The following DPP6 variants were observed in gnomAD, a reference collection of about 807,000 sequenced individuals.
DPP6 encodes the protein dipeptidyl peptidase like 6, also known as A-type potassium channel modulatory protein DPP6.
A neutral mutation model predicts 122.6 loss-of-function variants in DPP6; 69 were observed. That is an observed-to-expected ratio of 0.56 (90% CI 0.46 to 0.69). The LOEUF (loss-of-function observed/expected upper bound fraction) is 0.69. Among genes scored for constraint, DPP6 ranks in the 30% least tolerant of loss-of-function variants. DPP6 has a pLI of 0.00. For missense variants in DPP6, 928 were observed against 1,116.9 expected (o/e 0.83, Z 2.41); for synonymous variants, 418 against 433.1 (o/e 0.97, Z 0.43).
At chr7:154,240,249 A>G (rs1211508640) in intron 1 of DPP6, among the ~76,000 whole-genome samples, 1 of 152,130 alleles carries the variant, frequency 6.6e-6, no homozygotes, top group African/African-American at 2.4e-5. Context: ...AATTCTAACC[A>G]TATTTTAAGA....
At chr7:154,539,975 A>G (rs1024101147) in intron 3 of DPP6, among the ~76,000 whole-genome samples, 1 of 152,114 alleles carries the variant, frequency 6.6e-6, no homozygotes, top group Non-Finnish European at 1.5e-5. Flanking sequence ...CTAATTTTCT[A>G]AGGGGATGCT....
intron 16 of DPP6, among the ~76,000 whole-genome samples, chr7:154,830,380 C>T (rs558861626): frequency 1.1e-4 from 16 of 152,194 alleles, no homozygotes; most frequent in East Asian, 5.8e-4. Flanking sequence ...GGGGCCATGC[C>T]GGGGGCAGTT....
intron 7 of DPP6, among the ~76,000 whole-genome samples, chr7:154,727,547 A>G (rs1842123872): frequency 6.6e-6 from 1 of 152,194 alleles, no homozygotes; most frequent in African/African-American, 2.4e-5. Context: ...AAGTGATAAC[A>G]TTGGGTGAAG....
intron 1 of DPP6, among the ~76,000 whole-genome samples, chr7:153,931,536 A>G (rs1801168675): frequency 6.7e-6 from 1 of 150,104 alleles, no homozygotes; most frequent in Admixed American, 6.7e-5. Context: ...TACAGAAAAA[A>G]CAAACAAAAA....
rs531598030 is a variant in DPP6, at chr7:154,699,633, T to C, written c.763-28134T>C. 2.0e-5 allele frequency among the ~76,000 whole-genome samples: 3 copies of C among 152,316 alleles called. No individual in the cohort carries two copies. The East Asian group carries it at 5.8e-4, about 29-fold the overall frequency. ...CCGCCCCCAGACAGCCGGGCCCCTG[T>C]GCAGAGTGTGTGACTCAGTATGTCT... On this transcript the variant is annotated intron_variant, in intron 7 of 25. Coordinates refer to ENST00000377770, the MANE Select transcript of DPP6 (RefSeq NM_130797.4).
At chr7:154,105,382 C>T (rs1482504754) in intron 1 of DPP6, among the ~76,000 whole-genome samples, 7 of 152,224 alleles carry the variant, frequency 4.6e-5, no homozygotes, top group Non-Finnish European at 2.9e-5. Context: ...CCTGCCGAGG[C>T]TGCTCACTGC....
At chr7:154,676,255 T>TGTG (rs1215636914) in intron 7 of DPP6, among the ~76,000 whole-genome samples, 7 of 144,784 alleles carry the variant, frequency 4.8e-5, no homozygotes, top group African/African-American at 1.8e-4. Flanking sequence ...TGTTCCGGGC[T>TGTG]GCGGCCATGG....
At chr7:154,295,944 C>CTTTTTT (rs146439433) in intron 1 of DPP6, among the ~76,000 whole-genome samples, 1 of 112,790 alleles carries the variant, frequency 8.9e-6, no homozygotes, top group African/African-American at 3.3e-5. Context: ...ACAGTTGCTT[C>CTTTTTT]TTTTTTTTTT....
chr7:154,279,575 G>A (rs982190630), intron 1 of DPP6, among the ~76,000 whole-genome samples: 5 of 152,178 alleles, frequency 3.3e-5, no homozygotes, highest in East Asian at 1.9e-4. Context: ...TCATGTGAAC[G>A]TGAGCCTTTC....
intron 1 of DPP6, among the ~76,000 whole-genome samples, chr7:153,891,930 T>G (rs1039232626): frequency 6.6e-6 from 1 of 152,186 alleles, no homozygotes. Context: ...TGTTGATCCT[T>G]GAGAATCCCA....
intron 16 of DPP6, among the ~76,000 whole-genome samples, chr7:154,836,366 G>A (rs1264433601): frequency 1.3e-5 from 2 of 152,350 alleles, no homozygotes; most frequent in East Asian, 3.9e-4. Flanking sequence ...CACCTGGGGA[G>A]CTGAGCCTCC....
At chr7:154,886,085 C>T (rs1399678449) in intron 22 of DPP6, among the ~76,000 whole-genome samples, 16 of 152,216 alleles carry the variant, frequency 1.1e-4, no homozygotes, top group African/African-American at 2.4e-5. Flanking sequence ...CCTGCCGGGC[C>T]GCCCTCCTTC....
chr7:154,378,222 T>C (rs1331816953), intron 1 of DPP6, among the ~76,000 whole-genome samples: 4 of 152,196 alleles, frequency 2.6e-5, no homozygotes, highest in Non-Finnish European at 5.9e-5. Context: ...TTTTCACCTA[T>C]TGCCAGACAT....
the DPP6 span, among the ~76,000 whole-genome samples, chr7:153,793,005 G>A: frequency 1.3e-5 from 2 of 152,128 alleles, no homozygotes; most frequent in Non-Finnish European, 2.9e-5. Flanking sequence ...CCAGCCATGT[G>A]AAACAATAAG....
intron 1 of DPP6, among the ~76,000 whole-genome samples, chr7:154,343,598 T>A (rs532134256): frequency 1.0e-3 from 154 of 152,284 alleles, no homozygotes; most frequent in African/African-American, 3.6e-3. Flanking sequence ...TTTTTGTTTT[T>A]GAAACAGAGT....
chr7:154,197,797 C>G (rs977635553), intron 1 of DPP6, among the ~76,000 whole-genome samples: 1 of 152,182 alleles, frequency 6.6e-6, no homozygotes, highest in Non-Finnish European at 1.5e-5. Flanking sequence ...AATGTCGTTG[C>G]TTTGCAGTTC....
chr7:153,914,811 A>G (rs1485325008), intron 1 of DPP6, among the ~76,000 whole-genome samples: 2 of 152,196 alleles, frequency 1.3e-5, no homozygotes, highest in Non-Finnish European at 1.5e-5. Context: ...CTCTCTGACC[A>G]TGCATGGTCA....
intron 1 of DPP6, among the ~76,000 whole-genome samples, chr7:153,944,664 GTTTTTT>G (rs139824215): frequency 1.2e-4 from 13 of 106,982 alleles, no homozygotes; most frequent in Non-Finnish European, 2.1e-4. Context: ...TTTTGTGTGG[GTTTTTT>G]TTTTTTTTTT....
chr7:154,030,245 C>T (rs1191530926), intron 1 of DPP6, among the ~76,000 whole-genome samples: 2 of 152,172 alleles, frequency 1.3e-5, no homozygotes, highest in Non-Finnish European at 2.9e-5. Context: ...TTCTCTGCCC[C>T]TGACCTATGT....
Sources: gnomAD v4.1 joint callset for allele counts (sites outside exome capture counted in the v4.1 genomes callset) on GRCh38, gnomAD v4.1.1 for gene constraint, MANE v1.5 for transcripts, NCBI Gene and HGNC (gene_info 2026-07-23, HGNC 2026-07-21) for gene names.